DNAH17: variants seen among roughly 807,000 people sequenced by gnomAD.
DNAH17 encodes axonemal beta dynein heavy chain 17.
In DNAH17, 376 loss-of-function variants were observed where a neutral mutation model predicts 485.6. The observed-to-expected ratio is 0.77, with a 90% CI of 0.71 to 0.84. The LOEUF (loss-of-function observed/expected upper bound fraction) is 0.84, where lower values mean the gene tolerates loss of function less well. Ranked by LOEUF, DNAH17 falls within the 40% of genes least tolerant of loss-of-function variation. DNAH17 has a pLI of 0.00. For missense variants in DNAH17, 6,370 were observed against 5,839.3 expected, an observed-to-expected ratio of 1.09 and a Z score of -2.96; for synonymous variants, 3,031 against 2,405.9, an observed-to-expected ratio of 1.26 and a Z score of -7.60.
intron 14 of DNAH17, 97 bp from the exon 15 acceptor site, chr17:78,552,902 G>T (rs2091935137): frequency 3.7e-6 from 3 of 815,896 alleles, no homozygotes; most frequent in South Asian, 1.5e-5. Context: ...AACTAATACG[G>T]TTTGGATCTG....
At chr17:78,458,415 T>C in intron 62 of DNAH17, 150 bp downstream of exon 62, 1 of 664,960 alleles carries the variant, frequency 1.5e-6, no homozygotes, top group Non-Finnish European at 2.7e-6. Flanking sequence ...GGCCAAGTTT[T>C]ATCCTAATTA....
chr17:78,461,624 C>T lies in DNAH17; in HGVS notation c.9259G>A (p.Val3087Ile), dbSNP rs550526589. Residue 3087 changes from valine (V) to isoleucine (I), a missense_variant, in exon 58 of 81, where the codon GTC (valine) becomes ATC (isoleucine). Physicochemically the swap from Val to Ile is conservative, Grantham distance 29. Transcript: ENST00000389840. ...CTGACCTTCTCGGCCTCGATGCCGACCACCTGGATCAGTTGGTCTGCGCTC... is the reference window on the plus strand; with the variant it reads ...CTGACCTTCTCGGCCTCGATGCCGATCACCTGGATCAGTTGGTCTGCGCTC... Reference protein sequence around the residue: ...NESADQLIQVVGIEAEKVSKE... With the variant: ...NESADQLIQVIGIEAEKVSKE... 1 of 1,611,174 alleles carries T rather than the reference C, an allele frequency of 6.2e-7. No individual in the cohort carries two copies. The highest frequency in any genetic ancestry group is 8.5e-7 in the Non-Finnish European group (1 of 1,178,996).
rs578167503 is a variant in DNAH17, at chr17:78,514,406, A to G, written c.4113+368T>C. 4.0e-5 allele frequency among the ~76,000 whole-genome samples: 6 copies of G among 150,324 alleles called. No individual in the cohort carries two copies. In the South Asian group the frequency reaches 6.3e-4, roughly 16 times the overall value. ...TGTGGTCCCAGCTACTTGGGAGGCT[A>G]AGGCAGAAGAACTGCTTGAACCTGG... On this transcript the variant is annotated intron_variant, in intron 26 of 80. Coordinates refer to ENST00000389840, the MANE Select transcript of DNAH17 (RefSeq NM_173628.4).
rs138780306 is a variant in DNAH17, at chr17:78,484,945, C to T, written c.7572G>A (p.Met2524Ile). The part of the protein sequence containing the change: ...TKKLVYFIDD[M>I]NMPEVDKYGT... Reference sequence around the variant, plus strand: ...CATACTTGTCCACCTCGGGCATGTTCATGTCGTCGATGAAGTAGACGAGCT... The same window carrying T: ...CATACTTGTCCACCTCGGGCATGTTTATGTCGTCGATGAAGTAGACGAGCT... Residue 2524 changes from methionine (M) to isoleucine (I), a missense_variant, in exon 48 of 81, where the codon ATG becomes ATA. Transcript: ENST00000389840. 9.4e-5 allele frequency: 151 copies of T among 1,611,840 alleles called. 1 individual carries two copies. In the East Asian group the frequency reaches 3.0e-3, roughly 32 times the overall value.
rs746046192 is a variant in DNAH17 at position 78,494,136 on chromosome 17, G to C, written c.6308C>G (p.Ala2103Gly). 2.5e-6 allele frequency: 4 copies of C among 1,612,668 alleles called. No homozygotes were observed. The highest frequency in any genetic ancestry group is 1.1e-5 in the South Asian group (1 of 91,044). Reference protein sequence around the residue: ...KQSIVELKLQAEDSFVLKVVQ... With the variant: ...KQSIVELKLQGEDSFVLKVVQ... ...CACCTTCAGCACGAAGCTGTCCTCC[G>C]CCTGCAGCTTGAGCTCCACGATGCT... is the stretch of plus-strand genomic sequence containing the variant. Residue 2103 changes from alanine (A) to glycine (G), a missense_variant, in exon 41 of 81, where the codon GCG (alanine) becomes GGG (glycine). By Grantham distance (60) the Ala-to-Gly change is moderately conservative. Transcript: ENST00000389840.
At chr17:78,460,129 C>G (rs73380054) in intron 59 of DNAH17, 33 bp downstream of exon 59, 2 of 1,582,952 alleles carry the variant, frequency 1.3e-6, no homozygotes, top group African/African-American at 2.7e-5. Flanking sequence ...TCCAACCAGG[C>G]CAGGGGTCCC....
chr17:78,492,158 C>A (rs659739), intron 42 of DNAH17, among the ~76,000 whole-genome samples: 93,951 of 151,416 alleles, frequency 0.62, 29,371 homozygotes, highest in East Asian at 0.82. Context: ...CCCGCTGACT[C>A]CTCCTCAGCT....
At chr17:78,542,316 T>A (rs2091617624) in intron 17 of DNAH17, among the ~76,000 whole-genome samples, 1 of 151,928 alleles carries the variant, frequency 6.6e-6, no homozygotes, top group African/African-American at 2.4e-5. Flanking sequence ...CCTGGCTAAT[T>A]TTTGTATTTT....
rs2086207526 is a variant in DNAH17 at position 78,423,805 on chromosome 17, AACC to A, written c.*98_*100del. ...CACCTGATTATTTAAGAGAACGAAA[AACC>A]ACCACCAGTTCCTGTAAAGAATAAG... On this transcript the variant is annotated 3_prime_UTR_variant, in exon 81 of 81. Transcript: ENST00000389840. 19 of 1,462,912 alleles carry A rather than the reference AACC, an allele frequency of 1.3e-5. No individual in the cohort carries two copies. The highest frequency in any genetic ancestry group is 1.7e-5 in the Non-Finnish European group (18 of 1,076,110). 90.6% of individuals were successfully genotyped at this position (1,462,912 alleles called of 1,614,324 possible).
chr17:78,440,244 C>CTTTTTT (rs71160296), intron 72 of DNAH17, among the ~76,000 whole-genome samples: 1 of 40,340 alleles, frequency 2.5e-5, no homozygotes, highest in Non-Finnish European at 4.1e-5. Context: ...CGACTTCATG[C>CTTTTTT]TTTTTTTTTT....
chr17:78,574,088 C>T (rs567460386), intron 2 of DNAH17, among the ~76,000 whole-genome samples: 70 of 152,308 alleles, frequency 4.6e-4, no homozygotes, highest in African/African-American at 1.5e-3. Context: ...GGGCAGCAAC[C>T]GTACCCGGCA....
intron 19 of DNAH17, among the ~76,000 whole-genome samples, chr17:78,535,920 AT>A (rs949987621): frequency 1.3e-5 from 2 of 151,518 alleles, no homozygotes; most frequent in African/African-American, 4.8e-5. Context: ...GTCTTTTCAG[AT>A]TTTTTTTTAT....
At chr17:78,554,216 G>C (rs758485562) in intron 14 of DNAH17, among the ~76,000 whole-genome samples, 1 of 152,030 alleles carries the variant, frequency 6.6e-6, no homozygotes, top group Non-Finnish European at 1.5e-5. Context: ...GAGGCAGGCA[G>C]ATCACTTAAG....
chr17:78,562,095 G>A, intron 11 of DNAH17, 115 bp from the exon 12 acceptor site: 1 of 1,289,292 alleles, frequency 7.8e-7, no homozygotes, highest in South Asian at 1.7e-5. Context: ...TGTGTACCTT[G>A]CCAAAACAAA....
intron 8 of DNAH17, 61 bp downstream of exon 8, chr17:78,569,314 A>G (rs1412735161): frequency 6.2e-7 from 1 of 1,602,204 alleles, no homozygotes; most frequent in South Asian, 1.1e-5. Context: ...TTTATCAAAT[A>G]TCGGGGCTCA....
intron 22 of DNAH17, among the ~76,000 whole-genome samples, chr17:78,528,950 A>ACT (rs573380992): frequency 7.1e-6 from 1 of 140,600 alleles, no homozygotes; most frequent in African/African-American, 2.7e-5. Flanking sequence ...GGCATTTTGT[A>ACT]TTTTTTTTTT....
chr17:78,502,761 C>T (rs1297785588), intron 32 of DNAH17, 63 bp from the exon 33 acceptor site: 4 of 1,595,854 alleles, frequency 2.5e-6, no homozygotes, highest in Admixed American at 1.8e-5. Flanking sequence ...CTAACGCAGA[C>T]ATTCCTGCTG....
At chr17:78,543,743 A>G in intron 17 of DNAH17, 114 bp downstream of exon 17, 3 of 1,499,602 alleles carry the variant, frequency 2.0e-6, no homozygotes, top group Non-Finnish European at 2.8e-6. Flanking sequence ...GACTTCTATG[A>G]CTACAAGAAA....
intron 26 of DNAH17, among the ~76,000 whole-genome samples, chr17:78,511,756 T>C (rs1001488910): frequency 6.6e-6 from 1 of 152,234 alleles, no homozygotes; most frequent in East Asian, 1.9e-4. Flanking sequence ...TGGGGACATA[T>C]GTGCCCGAGG....
Sources: gnomAD v4.1 joint callset for allele counts (sites outside exome capture counted in the v4.1 genomes callset) on GRCh38, gnomAD v4.1.1 for gene constraint, MANE v1.5 for transcripts, NCBI Gene and HGNC (gene_info 2026-07-23, HGNC 2026-07-21) for gene names.